NXPH1: variants seen among roughly 807,000 people sequenced by gnomAD.
NXPH1 encodes neurexophilin-1.
In NXPH1, 5 loss-of-function variants were observed where a neutral mutation model predicts 23.7. That is an observed-to-expected ratio of 0.21 (90% confidence interval 0.11 to 0.44). The LOEUF is 0.44. Among genes scored for constraint, NXPH1 ranks in the 20% least tolerant of loss-of-function variants. The pLI is 0.99. For synonymous variants in NXPH1, 144 were observed against 122.2 expected (o/e 1.18, Z -1.18); for missense variants, 324 against 321.6 (o/e 1.01, Z -0.06).
At chr7:8,562,941 T>C (rs1392842427) in intron 2 of NXPH1, among the ~76,000 whole-genome samples, 1 of 151,714 alleles carries the variant, frequency 6.6e-6, no homozygotes, top group African/African-American at 2.4e-5. Context: ...AAAGATGCCA[T>C]CAAAAGTAAA....
At chr7:8,461,194 A>C (rs575452036) in intron 2 of NXPH1, among the ~76,000 whole-genome samples, 2 of 152,270 alleles carry the variant, frequency 1.3e-5, no homozygotes, top group Admixed American at 1.3e-4. Context: ...TTCAGTCTCT[A>C]ATTGTTCAGT....
chr7:8,589,880 C>T (rs1194193733), intron 2 of NXPH1, among the ~76,000 whole-genome samples: 1 of 152,054 alleles, frequency 6.6e-6, no homozygotes, highest in Non-Finnish European at 1.5e-5. Flanking sequence ...AGCCACTAGC[C>T]ACAGGTGACT....
intron 2 of NXPH1, among the ~76,000 whole-genome samples, chr7:8,579,855 C>G (rs772898367): frequency 6.6e-6 from 1 of 152,142 alleles, no homozygotes; most frequent in African/African-American, 2.4e-5. Flanking sequence ...CCTATTAAAT[C>G]CATTGGGGGG....
intron 2 of NXPH1, among the ~76,000 whole-genome samples, chr7:8,540,690 T>C (rs1451635963): frequency 6.6e-6 from 1 of 151,788 alleles, no homozygotes; most frequent in Non-Finnish European, 1.5e-5. Flanking sequence ...ATAATTACCA[T>C]GTAAATGTGA....
At chr7:8,522,901 G>A (rs1327585185) in intron 2 of NXPH1, among the ~76,000 whole-genome samples, 2 of 152,156 alleles carry the variant, frequency 1.3e-5, no homozygotes, top group Non-Finnish European at 2.9e-5. Context: ...CTTAGAAAGT[G>A]TTACAATGTG....
intron 2 of NXPH1, among the ~76,000 whole-genome samples, chr7:8,681,959 A>G (rs1717330287): frequency 6.6e-6 from 1 of 152,212 alleles, no homozygotes; most frequent in African/African-American, 2.4e-5. Context: ...CCAGAACCAG[A>G]AGTCCTCAGG....
At chr7:8,702,041 A>C (rs1402535333) in intron 2 of NXPH1, among the ~76,000 whole-genome samples, 1 of 64,040 alleles carries the variant, frequency 1.6e-5, no homozygotes, top group African/African-American at 5.0e-5. Flanking sequence ...CAATTAAAGA[A>C]AAAAAAAAAA....
At chr7:8,541,713 A>G in intron 2 of NXPH1, among the ~76,000 whole-genome samples, 1 of 151,608 alleles carries the variant, frequency 6.6e-6, no homozygotes, top group East Asian at 1.9e-4. Flanking sequence ...ATGGCAGTAA[A>G]AGCACAAATG....
In NXPH1 at chr7:8,613,165, T is replaced by TC. The variant is rs769398724; in HGVS notation, c.55-137842dup. Among the ~76,000 whole-genome samples the TC allele has an allele frequency of 1.2e-3, 183 of 152,084 alleles. 3 individuals carry two copies. The highest frequency in any genetic ancestry group is 9.0e-4 in the Non-Finnish European group (61 of 67,898). On this transcript the variant is annotated intron_variant, in intron 2 of 2. Coordinates refer to ENST00000405863, the MANE Select transcript of NXPH1 (RefSeq NM_152745.3). ...ATATAGGATTCAGAGGGTTTTTTTT[T>TC]CAATCATTATCTCCATTACTTTCAC...
At chr7:8,655,296 A>G (rs12538281) in intron 2 of NXPH1, among the ~76,000 whole-genome samples, 108,758 of 151,456 alleles carry the variant, frequency 0.72, 39,591 homozygotes, top group East Asian at 1. Flanking sequence ...GAGGTGGGAG[A>G]ATCGCTTGAG....
At chr7:8,535,192 T>A (rs903881988) in intron 2 of NXPH1, among the ~76,000 whole-genome samples, 1 of 152,022 alleles carries the variant, frequency 6.6e-6, no homozygotes, top group African/African-American at 2.4e-5. Flanking sequence ...AATTATGCAT[T>A]TGGTAGTAGT....
chr7:8,706,273 G>A (rs1228196378), intron 2 of NXPH1, among the ~76,000 whole-genome samples: 7 of 152,256 alleles, frequency 4.6e-5, no homozygotes, highest in African/African-American at 1.7e-4. Flanking sequence ...TATTTGATTG[G>A]GCATGTGTGC....
intron 2 of NXPH1, among the ~76,000 whole-genome samples, chr7:8,633,676 A>G (rs771995238): frequency 1.7e-4 from 26 of 152,200 alleles, no homozygotes; most frequent in Non-Finnish European, 2.8e-4. Flanking sequence ...ATAATTGCCA[A>G]TTACCCAGAA....
At chr7:8,458,092 A>C (rs1308013672) in intron 2 of NXPH1, among the ~76,000 whole-genome samples, 2 of 152,260 alleles carry the variant, frequency 1.3e-5, no homozygotes, top group Non-Finnish European at 2.9e-5. Flanking sequence ...CATAAAAATA[A>C]AATGTTAGTG....
At chr7:8,501,130 G>C (rs554109981) in intron 2 of NXPH1, among the ~76,000 whole-genome samples, 6 of 152,158 alleles carry the variant, frequency 3.9e-5, no homozygotes, top group Admixed American at 3.9e-4. Flanking sequence ...AAATCTATCA[G>C]CTGTCACAGA....
rs1344167599 is a variant in NXPH1 at position 8,468,435 on chromosome 7, C to G, written c.54+32668C>G. 2.0e-5 allele frequency among the ~76,000 whole-genome samples: 3 copies of G among 152,144 alleles called. No homozygotes were observed. In the East Asian group the frequency reaches 5.8e-4, roughly 29 times the overall value. ...AGATAAAAGCTATGCTTGCAACAAT[C>G]TGCATCTGTTTTACTATATCTCATT... On this transcript the variant is annotated intron_variant, in intron 2 of 2. Transcript: ENST00000405863.
intron 2 of NXPH1, among the ~76,000 whole-genome samples, chr7:8,509,833 T>G (rs1051470057): frequency 5.9e-5 from 9 of 152,126 alleles, no homozygotes; most frequent in African/African-American, 2.2e-4. Context: ...CTTTGTGTGG[T>G]GAGCAATGGG....
Position 8,442,563 on chromosome 7 carries a change from A to G in NXPH1, c.54+6796A>G, listed in dbSNP as rs753044445. On this transcript the variant is annotated intron_variant, in intron 2 of 2. Coordinates refer to ENST00000405863, the MANE Select transcript of NXPH1 (RefSeq NM_152745.3). The surrounding 1 kb of genome is among the most constrained non-coding windows in gnomAD (Gnocchi z 4.6). ...CCTCACACATTGACTTTAAAAGGCC[A>G]TTTTCCTTCGTCTTCTACAAGAAGC... Among the ~76,000 whole-genome samples, 1 of 152,160 alleles carries G rather than the reference A, an allele frequency of 6.6e-6. No homozygotes were observed. The highest frequency in any genetic ancestry group is 1.5e-5 in the Non-Finnish European group (1 of 68,020).
chr7:8,580,042 C>A (rs1818835441), intron 2 of NXPH1, among the ~76,000 whole-genome samples: 1 of 152,106 alleles, frequency 6.6e-6, no homozygotes, highest in Non-Finnish European at 1.5e-5. Flanking sequence ...CTACTTTTGG[C>A]CAAGAACTAA....
Sources: gnomAD v4.1 joint callset for allele counts (sites outside exome capture counted in the v4.1 genomes callset) on GRCh38, gnomAD v4.1.1 for gene constraint, Gnocchi (gnomAD v3.1) non-coding constraint, MANE v1.5 for transcripts, NCBI Gene and HGNC (gene_info 2026-07-23, HGNC 2026-07-21) for gene names.